EED: variants seen among roughly 807,000 people sequenced by gnomAD.
EED encodes embryonic ectoderm development.
EED carries 9 observed loss-of-function variants against 61.0 expected under a neutral mutation model. The observed-to-expected ratio is 0.15, with a 90% CI of 0.09 to 0.26. The LOEUF (loss-of-function observed/expected upper bound fraction) is 0.26. EED is among the 10% of genes least tolerant of loss of function. The pLI is 1.00. For synonymous variants in EED, 187 were observed against 174.4 expected (o/e 1.07, Z -0.57); for missense variants, 315 against 542.3 (o/e 0.58, Z 4.16).
chr11:86,251,616 C>T (rs1945533247), intron 2 of EED, among the ~76,000 whole-genome samples: 1 of 152,162 alleles, frequency 6.6e-6, no homozygotes, highest in South Asian at 2.1e-4. Context: ...TGTGCAGTTA[C>T]AGTTTATTTC....
chr11:86,251,106 G>A (rs1945520198), intron 2 of EED, among the ~76,000 whole-genome samples: 1 of 151,990 alleles, frequency 6.6e-6, no homozygotes, highest in Non-Finnish European at 1.5e-5. Flanking sequence ...GGAAAAATGT[G>A]TATTATCTCA....
chr11:86,286,597 T>C, the EED span, among the ~76,000 whole-genome samples: 1 of 152,228 alleles, frequency 6.6e-6, no homozygotes, highest in Non-Finnish European at 1.5e-5. Flanking sequence ...GTCATTCTGC[T>C]TAATTGCATC....
chr11:86,248,917 G>C (rs933129620), intron 1 of EED, among the ~76,000 whole-genome samples: 2 of 152,072 alleles, frequency 1.3e-5, no homozygotes, highest in Non-Finnish European at 2.9e-5. Context: ...AGGCTAAGGT[G>C]GGGGGAAGAT....
intron 5 of EED, 32 bp from the exon 6 acceptor site, chr11:86,257,483 A>T: frequency 6.5e-7 from 1 of 1,540,268 alleles, no homozygotes; most frequent in East Asian, 2.3e-5. Context: ...ATTTTGAGAT[A>T]GGAAACTTGA....
chr11:86,286,950 C>T, the EED span, among the ~76,000 whole-genome samples: 1,183 of 114,524 alleles, frequency 0.01, 11 homozygotes, highest in Middle Eastern at 0.028. Context: ...CCTGCCTGGG[C>T]GAAAGAGCGA....
intron 1 of EED, among the ~76,000 whole-genome samples, chr11:86,249,385 A>G (rs2138130859): frequency 6.6e-6 from 1 of 151,796 alleles, no homozygotes; most frequent in Admixed American, 6.6e-5. Flanking sequence ...TTCATGGAAA[A>G]AAAAAAAAAA....
At position 86,255,301 on chromosome 11, in the gene EED, G is replaced by C; in HGVS notation, c.426+14G>C. On this transcript the variant is annotated intron_variant, in intron 4 of 11. Coordinates refer to ENST00000263360, the MANE Select transcript of EED (RefSeq NM_003797.5). ...GTGGATGCTGATGTATCCTTTCCTG[G>C]GTTTTTAATATCTTTAGTCAAAGGA... 6.3e-7 allele frequency: 1 copy of C among 1,590,746 alleles called. No individual in the cohort carries two copies. Among genetic ancestry groups the C allele is most frequent in the Non-Finnish European group, 8.6e-7 (1 of 1,165,090 alleles).
At chr11:86,275,250 AAAAC>A (rs1316836745) in intron 9 of EED, among the ~76,000 whole-genome samples, 1 of 152,188 alleles carries the variant, frequency 6.6e-6, no homozygotes, top group Non-Finnish European at 1.5e-5. Context: ...CTTACAGGAA[AAAAC>A]ACATCTGCTA....
chr11:86,250,550 A>T, intron 2 of EED, 102 bp downstream of exon 2: 1 of 1,277,948 alleles, frequency 7.8e-7, no homozygotes, highest in Non-Finnish European at 1.0e-6. Context: ...AGTTGTAAAT[A>T]TTTTAAAGTT....
At chr11:86,267,680 A>G (rs1341180538) in intron 8 of EED, among the ~76,000 whole-genome samples, 1 of 151,914 alleles carries the variant, frequency 6.6e-6, no homozygotes, top group Non-Finnish European at 1.5e-5. Flanking sequence ...GGCTCACTGC[A>G]ACCTCTGCCT....
At chr11:86,262,594 G>C (rs1309900808) in intron 6 of EED, among the ~76,000 whole-genome samples, 3 of 151,902 alleles carry the variant, frequency 2.0e-5, no homozygotes, top group Non-Finnish European at 4.4e-5. Context: ...GCCCTCACCG[G>C]ATGCCGGCAC....
intron 10 of EED, 154 bp downstream of exon 10, chr11:86,277,292 AC>A: frequency 1.6e-6 from 1 of 632,148 alleles, no homozygotes; most frequent in Non-Finnish European, 2.4e-6. Context: ...TTCATCAAAT[AC>A]TTTGGTGTTA....
At chr11:86,257,677 A>C in intron 6 of EED, 81 bp downstream of exon 6, 2 of 1,146,144 alleles carry the variant, frequency 1.7e-6, no homozygotes, top group South Asian at 3.1e-5. Flanking sequence ...AAACCCTGAC[A>C]AATAGGAAAA....
chr11:86,278,291 C>T, intron 11 of EED, 108 bp from the exon 12 acceptor site: 2 of 1,462,964 alleles, frequency 1.4e-6, no homozygotes, highest in Non-Finnish European at 1.8e-6. Context: ...GTTTTAAGTG[C>T]TTTTCGTATG....
chr11:86,252,037 C>A, intron 2 of EED, 111 bp from the exon 3 acceptor site: 2 of 659,160 alleles, frequency 3.0e-6, no homozygotes, highest in Non-Finnish European at 4.9e-6. Flanking sequence ...ATGTATGATA[C>A]ACAAAATAAT....
At chr11:86,286,635 G>C in the EED span, among the ~76,000 whole-genome samples, 1 of 152,038 alleles carries the variant, frequency 6.6e-6, no homozygotes, top group South Asian at 2.1e-4. Flanking sequence ...TATCATCTAG[G>C]ACAGTAGGTT....
chr11:86,284,255 G>C, the EED span: 1 of 152,192 alleles, frequency 6.6e-6, no homozygotes, highest in Admixed American at 6.5e-5. Context: ...AAGTTCCTGG[G>C]TTTTGTTTTT....
At chr11:86,256,544 T>G in intron 5 of EED, 32 bp downstream of exon 5, 1 of 1,529,782 alleles carries the variant, frequency 6.5e-7, no homozygotes, top group Non-Finnish European at 8.8e-7. Flanking sequence ...GTAGATCTGC[T>G]TCTTTTGAAT....
At chr11:86,258,555 GTT>G (rs563888569) in intron 6 of EED, among the ~76,000 whole-genome samples, 12 of 130,874 alleles carry the variant, frequency 9.2e-5, no homozygotes, top group Admixed American at 4.6e-4. Context: ...TTGTTTTTTG[GTT>G]TTTTTTTTTT....
Sources: gnomAD v4.1 joint callset for allele counts (sites outside exome capture counted in the v4.1 genomes callset) on GRCh38, gnomAD v4.1.1 for gene constraint, MANE v1.5 for transcripts, NCBI Gene and HGNC (gene_info 2026-07-23, HGNC 2026-07-21) for gene names.